Variants in SUMF1 observed in about 807,000 individuals in gnomAD.
SUMF1 encodes the protein formylglycine-generating enzyme.
In SUMF1, 48 loss-of-function variants were observed where a neutral mutation model predicts 47.6. The ratio of observed to expected loss-of-function variants is 1.01; its 90% CI spans 0.80 to 1.28. The LOEUF (loss-of-function observed/expected upper bound fraction) is 1.28. Ranked by LOEUF, SUMF1 falls within the 50% of genes most tolerant of loss-of-function variation. SUMF1 has a pLI of 0.00. For missense variants in SUMF1, 571 were observed against 485.4 expected (o/e 1.18, Z -1.66); for synonymous variants, 230 against 192.1 (o/e 1.20, Z -1.63).
At chr3:4,178,710 G>T (rs1695026900) in intron 8 of SUMF1, among the ~76,000 whole-genome samples, 1 of 152,142 alleles carries the variant, frequency 6.6e-6, no homozygotes, top group African/African-American at 2.4e-5. Context: ...GCAAGAGAAA[G>T]AAATAAAGGG....
rs1272721468 is a variant in SUMF1, at chr3:4,253,731, C to G, written c.1014+122599G>C. On this transcript the variant is annotated intron_variant and NMD_transcript_variant, in intron 8 of 12. Coordinates refer to the SUMF1 transcript ENST00000448413. ...GGCTTGATTAGGTAAACAAAGCAGC[C>G]AGGAAGCTCGAATTGGGTGGAACCC... 2.2e-4 allele frequency among the ~76,000 whole-genome samples: 32 copies of G among 147,294 alleles called. No individual in the cohort carries two copies. The East Asian group carries it at 6.1e-3, about 28-fold the overall frequency.
chr3:4,259,179 G>A (rs1157529038), intron 8 of SUMF1, among the ~76,000 whole-genome samples: 1 of 150,898 alleles, frequency 6.6e-6, no homozygotes, highest in Non-Finnish European at 1.5e-5. Flanking sequence ...CGAGTTAGTG[G>A]GTGCAGCGCA....
chr3:4,435,129 G>C (rs919717570), intron 3 of SUMF1, among the ~76,000 whole-genome samples: 1 of 152,090 alleles, frequency 6.6e-6, no homozygotes, highest in African/African-American at 2.4e-5. Flanking sequence ...GTTTCACCAC[G>C]TTAGCCAGGC....
intron 8 of SUMF1, among the ~76,000 whole-genome samples, chr3:4,235,984 A>G (rs185560644): frequency 3.3e-5 from 5 of 152,112 alleles, no homozygotes; most frequent in African/African-American, 7.2e-5. Flanking sequence ...GCTCTGTCAT[A>G]CAGGTTGGAG....
At chr3:4,251,531 C>T (rs1420813237) in intron 8 of SUMF1, among the ~76,000 whole-genome samples, 2 of 152,198 alleles carry the variant, frequency 1.3e-5, no homozygotes, top group Non-Finnish European at 2.9e-5. Flanking sequence ...ACATGCTTTA[C>T]AGAGAAATCT....
chr3:4,257,988 C>T (rs1260836432), intron 8 of SUMF1, among the ~76,000 whole-genome samples: 1 of 152,008 alleles, frequency 6.6e-6, no homozygotes, highest in African/African-American at 2.4e-5. Flanking sequence ...CTTTGACAAA[C>T]CTGACAAAAA....
intron 8 of SUMF1, among the ~76,000 whole-genome samples, chr3:4,211,770 T>C (rs1695800705): frequency 1.3e-5 from 2 of 152,114 alleles, no homozygotes; most frequent in Non-Finnish European, 2.9e-5. Context: ...CATCAAGTCT[T>C]AGCAAGGAGT....
intron 3 of SUMF1, among the ~76,000 whole-genome samples, chr3:4,420,647 C>A (rs1452470100): frequency 6.6e-6 from 1 of 152,132 alleles, no homozygotes; most frequent in South Asian, 2.1e-4. Context: ...CCGCCCGCCT[C>A]GGCCTCCCAA....
In SUMF1 at chr3:4,287,835, T is replaced by C. The variant is rs1336490141; in HGVS notation, c.1014+88495A>G. 2.6e-5 allele frequency among the ~76,000 whole-genome samples: 4 copies of C among 152,348 alleles called. No individual in the cohort carries two copies. In the East Asian group the frequency reaches 7.7e-4, roughly 29 times the overall value. On this transcript the variant is annotated intron_variant and NMD_transcript_variant, in intron 8 of 12. Coordinates refer to the SUMF1 transcript ENST00000448413. ...AGCTAGTTGTTTGTGCTTAGAAAAT[T>C]CTATTATTATCAACCAAGCAAAGCT... is the stretch of plus-strand genomic sequence containing the variant.
At chr3:4,328,074 T>G (rs1218781302) in intron 8 of SUMF1, among the ~76,000 whole-genome samples, 1 of 151,986 alleles carries the variant, frequency 6.6e-6, no homozygotes, top group Admixed American at 6.6e-5. Flanking sequence ...AAAAATTAGC[T>G]GGGTGTGATG....
intron 9 of SUMF1, among the ~76,000 whole-genome samples, chr3:4,064,730 G>A (rs912415348): frequency 1.3e-5 from 2 of 152,124 alleles, no homozygotes; most frequent in African/African-American, 4.8e-5. Context: ...GGGGAACTCA[G>A]GAATTGAACC....
intron 8 of SUMF1, among the ~76,000 whole-genome samples, chr3:4,119,493 C>G (rs1347348088): frequency 1.3e-5 from 2 of 152,104 alleles, no homozygotes; most frequent in African/African-American, 4.8e-5. Flanking sequence ...CTTCATCACC[C>G]CACCTGGTCC....
chr3:4,355,090 C>T (rs1461838914), intron 8 of SUMF1, among the ~76,000 whole-genome samples: 3 of 152,322 alleles, frequency 2.0e-5, no homozygotes, highest in Admixed American at 2.0e-4. Flanking sequence ...TGGCTCACGC[C>T]TGTAATCCCA....
At chr3:4,134,536 C>T (rs112970382) in intron 8 of SUMF1, among the ~76,000 whole-genome samples, 6 of 152,000 alleles carry the variant, frequency 3.9e-5, no homozygotes, top group African/African-American at 9.7e-5. Context: ...AAAATTGACA[C>T]CCTAACATCA....
At chr3:4,063,039 A>AT (rs1695300433) in intron 9 of SUMF1, among the ~76,000 whole-genome samples, 1 of 152,086 alleles carries the variant, frequency 6.6e-6, no homozygotes, top group South Asian at 2.1e-4. Context: ...AAAAATCTGC[A>AT]TTTTCAATGC....
chr3:4,452,925 C>T lies in SUMF1; in HGVS notation c.395G>A (p.Ser132Asn). 1 of 1,614,196 alleles carries T rather than the reference C, an allele frequency of 6.2e-7. No individual in the cohort carries two copies. The highest frequency in any genetic ancestry group is 8.5e-7 in the Non-Finnish European group (1 of 1,180,038). ...DAFYMDAYEV[S>N]NTEFEKFVNS... ...CACAAACTTCTCAAATTCAGTATTA[C>T]TGACTTCATAGGCATCCATGTAAAA... is the stretch of plus-strand genomic sequence containing the variant. Residue 132 changes from serine to asparagine, a missense_variant, in exon 2 of 9, where the codon AGT becomes AAT. Coordinates refer to ENST00000272902, the MANE Select transcript of SUMF1 (RefSeq NM_182760.4).
At chr3:4,432,598 A>T (rs1702267676) in intron 3 of SUMF1, among the ~76,000 whole-genome samples, 1 of 152,190 alleles carries the variant, frequency 6.6e-6, no homozygotes, top group Admixed American at 6.5e-5. Flanking sequence ...ATTTCAGCTC[A>T]GATGTCATCA....
At chr3:4,079,777 G>C (rs1692520799) in intron 8 of SUMF1, among the ~76,000 whole-genome samples, 1 of 150,940 alleles carries the variant, frequency 6.6e-6, no homozygotes, top group Non-Finnish European at 1.5e-5. Context: ...GGAGGTGACA[G>C]TGGCAGTAAC....
chr3:4,333,241 T>C (rs1325088151), intron 8 of SUMF1, among the ~76,000 whole-genome samples: 2 of 152,230 alleles, frequency 1.3e-5, no homozygotes, highest in Non-Finnish European at 1.5e-5. Context: ...CATCCACAGA[T>C]GGCAAGGCTA....
Sources: gnomAD v4.1 joint callset for allele counts (sites outside exome capture counted in the v4.1 genomes callset) on GRCh38, gnomAD v4.1.1 for gene constraint, MANE v1.5 for transcripts, NCBI Gene and HGNC (gene_info 2026-07-23, HGNC 2026-07-21) for gene names.